The following FHIT variants were observed in gnomAD, a reference collection of about 807,000 sequenced individuals.
FHIT encodes the protein fragile histidine triad diadenosine triphosphatase.
Under a neutral mutation model 17.9 loss-of-function variants are expected in FHIT, and 19 were observed. That is an observed-to-expected ratio of 1.06 (90% CI 0.74 to 1.56). The LOEUF (loss-of-function observed/expected upper bound fraction) is 1.56. FHIT is among the 40% of genes most tolerant of loss of function. FHIT has a pLI of 0.00. For missense variants in FHIT, 248 were observed against 189.2 expected (o/e 1.31, Z -1.82); for synonymous variants, 81 against 69.7 (o/e 1.16, Z -0.81).
chr3:60,739,159 C>T (rs2042194378), intron 4 of FHIT, among the ~76,000 whole-genome samples: 1 of 152,186 alleles, frequency 6.6e-6, no homozygotes, highest in South Asian at 2.1e-4. Flanking sequence ...GCCACCTCCA[C>T]CACTGAATAA....
At chr3:60,580,009 A>T (rs369525995) in intron 4 of FHIT, among the ~76,000 whole-genome samples, 3 of 152,148 alleles carry the variant, frequency 2.0e-5, no homozygotes, top group East Asian at 3.9e-4. Context: ...GTGATGCTTA[A>T]GATAAATTTC....
intron 5 of FHIT, among the ~76,000 whole-genome samples, chr3:60,116,851 C>T (rs1184583071): frequency 1.3e-5 from 1 of 75,740 alleles, no homozygotes; most frequent in Non-Finnish European, 2.5e-5. Context: ...TTTTAAAACA[C>T]AAAAAAATTA....
intron 2 of FHIT, among the ~76,000 whole-genome samples, chr3:61,154,283 G>A (rs1207293628): frequency 6.6e-6 from 1 of 152,080 alleles, no homozygotes; most frequent in Non-Finnish European, 1.5e-5. Context: ...ACATATTACT[G>A]GAGTAACAAT....
chr3:60,368,981 G>GTT lies in FHIT; in HGVS notation c.103+167877_103+167878dup, dbSNP rs60344820. Among the ~76,000 whole-genome samples the GTT allele has an allele frequency of 7.4e-5, 11 of 149,574 alleles. No individual in the cohort carries two copies. The East Asian group carries it at 1.4e-3, about 19-fold the overall frequency. The stretch of plus-strand genomic sequence containing the variant: ...ATCATGGCACTTTTCTTTTCTCTTT[G>GTT]TTTTTTTTTCCTGAGACCGCTCACT... On this transcript the variant is annotated intron_variant, in intron 5 of 9. Transcript: ENST00000492590.
At chr3:60,427,272 G>A (rs879524705) in intron 5 of FHIT, among the ~76,000 whole-genome samples, 7 of 152,088 alleles carry the variant, frequency 4.6e-5, no homozygotes, top group South Asian at 4.2e-4. Flanking sequence ...CGCAGTAGCC[G>A]AAAGATAATG....
rs187798195 is a variant in FHIT at position 61,045,396 on chromosome 3, C to T, written c.-163-3297G>A. Among the ~76,000 whole-genome samples, 10 of 152,210 alleles carry T rather than the reference C, an allele frequency of 6.6e-5. No individual in the cohort carries two copies. The East Asian group carries it at 9.6e-4, about 15-fold the overall frequency. On this transcript the variant is annotated intron_variant, in intron 2 of 9. Transcript: ENST00000492590. ...CAAAGATCAAAGAGACAAAGAAGGCCGTTACATAATGGTAAAGGGATCAAT... is the reference window on the plus strand; with the variant it reads ...CAAAGATCAAAGAGACAAAGAAGGCTGTTACATAATGGTAAAGGGATCAAT...
chr3:61,110,942 C>G (rs138366502), intron 2 of FHIT, among the ~76,000 whole-genome samples: 77 of 152,256 alleles, frequency 5.1e-4, no homozygotes, highest in African/African-American at 1.8e-3. Flanking sequence ...TAAGTTCTTG[C>G]TAGGAAAACA....
intron 4 of FHIT, among the ~76,000 whole-genome samples, chr3:60,656,241 T>A (rs187919835): frequency 6.6e-6 from 1 of 152,314 alleles, no homozygotes; most frequent in Admixed American, 6.5e-5. Flanking sequence ...GGCTCTCTCT[T>A]CACCCCAAAT....
chr3:59,827,695 T>A (rs1475966824), intron 8 of FHIT, among the ~76,000 whole-genome samples: 1 of 152,202 alleles, frequency 6.6e-6, no homozygotes, highest in Non-Finnish European at 1.5e-5. Context: ...TAAATTCAGG[T>A]TTCTCTCATG....
At chr3:60,383,572 C>T (rs1458835430) in intron 5 of FHIT, among the ~76,000 whole-genome samples, 1 of 151,566 alleles carries the variant, frequency 6.6e-6, no homozygotes, top group African/African-American at 2.4e-5. Flanking sequence ...TCAACAACGC[C>T]AAGGTGAAAA....
At chr3:61,024,478 T>C (rs2032627151) in intron 3 of FHIT, among the ~76,000 whole-genome samples, 1 of 152,156 alleles carries the variant, frequency 6.6e-6, no homozygotes. Flanking sequence ...TGAGTTTTAT[T>C]TCTTAAGGGA....
chr3:60,497,776 T>C (rs1225458450), intron 5 of FHIT, among the ~76,000 whole-genome samples: 1 of 152,204 alleles, frequency 6.6e-6, no homozygotes, highest in East Asian at 1.9e-4. Context: ...GCTGATGATC[T>C]AGAACAGTGG....
At chr3:59,992,566 A>T (rs189915747) in intron 7 of FHIT, among the ~76,000 whole-genome samples, 1 of 152,120 alleles carries the variant, frequency 6.6e-6, no homozygotes, top group Non-Finnish European at 1.5e-5. Context: ...ACAGCTGATG[A>T]TCAAAACATA....
chr3:60,031,983 G>C (rs1366952855), intron 5 of FHIT, among the ~76,000 whole-genome samples: 2 of 152,110 alleles, frequency 1.3e-5, no homozygotes, highest in Non-Finnish European at 2.9e-5. Flanking sequence ...GTAATAACTT[G>C]ATAGTTATTG....
chr3:59,967,579 C>T (rs986659507), intron 7 of FHIT, among the ~76,000 whole-genome samples: 1 of 152,154 alleles, frequency 6.6e-6, no homozygotes, highest in Admixed American at 6.6e-5. Flanking sequence ...CTACTATAAC[C>T]TTACAAGCTT....
chr3:60,166,242 G>A (rs1576236223), intron 5 of FHIT, among the ~76,000 whole-genome samples: 1 of 152,066 alleles, frequency 6.6e-6, no homozygotes, highest in East Asian at 1.9e-4. Flanking sequence ...TTAACCAGGG[G>A]TGTTAGGAAC....
intron 4 of FHIT, among the ~76,000 whole-genome samples, chr3:60,815,984 C>T (rs1226328403): frequency 6.6e-6 from 1 of 151,726 alleles, no homozygotes; most frequent in African/African-American, 2.4e-5. Flanking sequence ...ATTTTATATA[C>T]TTCTATTTTT....
chr3:60,452,109 C>A (rs1326382818), intron 5 of FHIT, among the ~76,000 whole-genome samples: 1 of 152,080 alleles, frequency 6.6e-6, no homozygotes, highest in East Asian at 1.9e-4. Flanking sequence ...AATAAATGCC[C>A]AAATCTTGGG....
At chr3:60,916,367 G>A (rs1487704776) in intron 3 of FHIT, among the ~76,000 whole-genome samples, 1 of 152,144 alleles carries the variant, frequency 6.6e-6, no homozygotes, top group Admixed American at 6.5e-5. Context: ...AACAATTCAT[G>A]CTTCTATTCA....
Sources: gnomAD v4.1 joint callset for allele counts (sites outside exome capture counted in the v4.1 genomes callset) on GRCh38, gnomAD v4.1.1 for gene constraint, MANE v1.5 for transcripts, NCBI Gene and HGNC (gene_info 2026-07-23, HGNC 2026-07-21) for gene names.